Variants in CHRDL2 observed in about 807,000 individuals in gnomAD.
The protein encoded by CHRDL2 is chordin like 2.
In CHRDL2, 41 loss-of-function variants were observed where a neutral mutation model predicts 54.3. The observed-to-expected ratio is 0.76, with a 90% CI of 0.59 to 0.98. CHRDL2 has a LOEUF of 0.98. Among genes scored for constraint, CHRDL2 ranks in the 50% least tolerant of loss-of-function variants. The pLI is 0.00. For missense variants in CHRDL2, 518 were observed against 562.4 expected (o/e 0.92, Z 0.80); for synonymous variants, 220 against 224.3 (o/e 0.98, Z 0.17).
chr11:74,729,790 G>C (rs550794323), intron 1 of CHRDL2, among the ~76,000 whole-genome samples: 9 of 152,320 alleles, frequency 5.9e-5, no homozygotes, highest in South Asian at 2.1e-4. Flanking sequence ...TTCTGATTAA[G>C]AGAATGTGGT....
chr11:74,713,645 C>T (rs1156424967), intron 2 of CHRDL2, among the ~76,000 whole-genome samples, 166 bp from the exon 3 acceptor site: 1 of 152,200 alleles, frequency 6.6e-6, no homozygotes, highest in East Asian at 1.9e-4. Context: ...CATTCCTGCC[C>T]ACCAAGGGGA....
intron 3 of CHRDL2, 120 bp downstream of exon 3, chr11:74,713,266 G>C (rs1295578697): frequency 2.5e-6 from 2 of 813,606 alleles, no homozygotes; most frequent in Non-Finnish European, 4.0e-6. Context: ...ACCTTTGTGT[G>C]TCTACACCTC....
Position 74,716,115 on chromosome 11 carries a change from A to G in CHRDL2, c.195+2605T>C, listed in dbSNP as rs550730050. On this transcript the variant is annotated intron_variant, in intron 2 of 10. Coordinates refer to ENST00000376332, the MANE Select transcript of CHRDL2 (RefSeq NM_001278473.3). ...GTTATGAACTGGGAGATGAGAAGGA[A>G]CTGTTCGTGAGAAGATCTGAGGGAA... is the stretch of plus-strand genomic sequence containing the variant. Among the ~76,000 whole-genome samples the G allele has an allele frequency of 2.0e-5, 3 of 152,326 alleles. No individual in the cohort carries two copies. The South Asian group carries it at 6.2e-4, about 32-fold the overall frequency.
intron 1 of CHRDL2, among the ~76,000 whole-genome samples, chr11:74,724,157 A>G (rs2034538028): frequency 6.6e-6 from 1 of 152,246 alleles, no homozygotes; most frequent in African/African-American, 2.4e-5. Context: ...AACATGCCTG[A>G]GCTGGATCTT....
At position 74,699,513 on chromosome 11, in the gene CHRDL2, C is replaced by T. The variant is rs186606686; in HGVS notation, c.1121-2216G>A. Reference sequence around the variant, plus strand: ...ATTCACAGTGTTGGAAGTGTGTCACCTATCTGGAGTAGGAGTGGGGGTATG... The same window carrying T: ...ATTCACAGTGTTGGAAGTGTGTCACTTATCTGGAGTAGGAGTGGGGGTATG... On this transcript the variant is annotated intron_variant, in intron 9 of 10. Coordinates refer to ENST00000376332, the MANE Select transcript of CHRDL2 (RefSeq NM_001278473.3). 2.0e-5 allele frequency: 3 copies of T among 152,440 alleles called. No individual in the cohort carries two copies. In the East Asian group the frequency reaches 5.8e-4, roughly 29 times the overall value. The allele number at this position is 152,440 out of a possible 1,614,324, so 9.4% of individuals were successfully genotyped here.
intron 1 of CHRDL2, among the ~76,000 whole-genome samples, chr11:74,723,534 C>T (rs2034528669): frequency 6.6e-6 from 1 of 152,172 alleles, no homozygotes; most frequent in Middle Eastern, 3.2e-3. Context: ...AGAACTTTTA[C>T]CTTTTTACTT....
rs59773947 is a variant in CHRDL2 at position 74,717,130 on chromosome 11, A to G, written c.195+1590T>C. On this transcript the variant is annotated intron_variant, in intron 2 of 10. Coordinates refer to ENST00000376332, the MANE Select transcript of CHRDL2 (RefSeq NM_001278473.3). ...CAAACAAAAAAAAAAAACCATTCTC[A>G]CTGCCGCGTGGAGGATGGATTTAGG... Among the ~76,000 whole-genome samples the G allele has an allele frequency of 7.2e-3, 1,097 of 151,870 alleles. 14 individuals are homozygous for G. Among genetic ancestry groups the G allele is most frequent in the African/African-American group, 0.025 (1,036 of 41,380 alleles).
intron 6 of CHRDL2, among the ~76,000 whole-genome samples, chr11:74,704,891 A>G (rs2033957096): frequency 6.6e-6 from 1 of 151,986 alleles, no homozygotes; most frequent in African/African-American, 2.4e-5. Context: ...GCCTCCACGA[A>G]GCCCTTCTTG....
intron 1 of CHRDL2, among the ~76,000 whole-genome samples, chr11:74,725,521 C>T (rs546128892): frequency 1.1e-3 from 174 of 152,276 alleles, no homozygotes; most frequent in African/African-American, 3.7e-3. Flanking sequence ...ATGATCTTCA[C>T]GCATAAGTCA....
rs766505635 is a variant in CHRDL2, at chr11:74,696,467, A to G, written c.*42T>C. On this transcript the variant is annotated 3_prime_UTR_variant, in exon 11 of 11. Coordinates refer to ENST00000376332, the MANE Select transcript of CHRDL2 (RefSeq NM_001278473.3). ...ACTTCTTATTTATTAATATATAATA[A>G]CAACAATTATACAGCTCATATCTGC... 1.3e-6 allele frequency: 2 copies of G among 1,485,412 alleles called. No individual in the cohort carries two copies. The highest frequency in any genetic ancestry group is 1.9e-6 in the Non-Finnish European group (2 of 1,064,096). The allele number at this position is 1,485,412 out of a possible 1,614,324, so 92.0% of individuals were successfully genotyped here. A position where few individuals can be genotyped will look rare whatever the true frequency, so the allele number is the denominator to read the frequency against.
At chr11:74,710,800 G>T in intron 4 of CHRDL2, 49 bp downstream of exon 4, 1 of 1,594,296 alleles carries the variant, frequency 6.3e-7, no homozygotes, top group Non-Finnish European at 8.6e-7. Context: ...TATGTTCTTT[G>T]CAGGCCCAGA....
chr11:74,722,211 C>A (rs75706582), intron 1 of CHRDL2, among the ~76,000 whole-genome samples: 9,960 of 152,192 alleles, frequency 0.065, 385 homozygotes, highest in South Asian at 0.11. Flanking sequence ...GCGTTCCCAC[C>A]TCTGCCCTGG....
chr11:74,720,806 G>C (rs12290761), intron 1 of CHRDL2, among the ~76,000 whole-genome samples: 3 of 152,142 alleles, frequency 2.0e-5, no homozygotes, highest in Non-Finnish European at 2.9e-5. Flanking sequence ...CCTGACACAC[G>C]CCTCCAGGAA....
intron 4 of CHRDL2, among the ~76,000 whole-genome samples, chr11:74,710,452 C>T (rs778174143): frequency 6.6e-6 from 1 of 152,204 alleles, no homozygotes; most frequent in Admixed American, 6.5e-5. Context: ...CCATTTGCTA[C>T]AGATAATCTG....
At position 74,701,789 on chromosome 11, in the gene CHRDL2, C is replaced by G. The variant is rs539378460; in HGVS notation, c.1120+1005G>C. 3 of 550,826 alleles carry G rather than the reference C, an allele frequency of 5.4e-6. No homozygotes were observed. In the South Asian group the frequency reaches 7.4e-5, roughly 14 times the overall value. 34.1% of individuals were successfully genotyped at this position (550,826 alleles called of 1,614,324 possible). ...TTGTCATTTTTCTTATCATCATTCC[C>G]TCTTCCACCCCCACCCCGCCAGCCA... On this transcript the variant is annotated intron_variant, in intron 9 of 10. Coordinates refer to ENST00000376332, the MANE Select transcript of CHRDL2 (RefSeq NM_001278473.3).
At chr11:74,710,250 A>T (rs1393081967) in intron 4 of CHRDL2, among the ~76,000 whole-genome samples, 1 of 150,052 alleles carries the variant, frequency 6.7e-6, no homozygotes, top group African/African-American at 2.4e-5. Flanking sequence ...GCGGAAAGCC[A>T]CCTGCAAACC....
In CHRDL2 at chr11:74,703,296, C is replaced by T. The variant is rs548571834; in HGVS notation, c.946+9G>A. On this transcript the variant is annotated intron_variant, in intron 8 of 10. Transcript: ENST00000376332. ...CAGCGCCCTCCTTGCTCCCAGTGCCCCTGTGTACCTGGGCAAATCTTGCAG... is the reference window on the plus strand; with the variant it reads ...CAGCGCCCTCCTTGCTCCCAGTGCCTCTGTGTACCTGGGCAAATCTTGCAG... 50 of 1,590,256 alleles carry T rather than the reference C, an allele frequency of 3.1e-5. No individual in the cohort carries two copies. In the South Asian group the frequency reaches 5.4e-4, roughly 17 times the overall value.
intron 9 of CHRDL2, chr11:74,701,535 G>C (rs2033810621): frequency 1.4e-6 from 1 of 710,974 alleles, no homozygotes; most frequent in Non-Finnish European, 2.6e-6. Context: ...GTAGAGCAGG[G>C]AAAGAGCCGC....
intron 5 of CHRDL2, among the ~76,000 whole-genome samples, chr11:74,706,873 T>A (rs1166913837): frequency 6.6e-6 from 1 of 152,206 alleles, no homozygotes; most frequent in Non-Finnish European, 1.5e-5. Context: ...TCTGGGACAC[T>A]GGGCCATACC....
Sources: gnomAD v4.1 joint callset for allele counts (sites outside exome capture counted in the v4.1 genomes callset) on GRCh38, gnomAD v4.1.1 for gene constraint, MANE v1.5 for transcripts, NCBI Gene and HGNC (gene_info 2026-07-23, HGNC 2026-07-21) for gene names.